Variants in GALNT17 observed in about 807,000 individuals in gnomAD.
The protein encoded by GALNT17 is UDP-GalNAc:polypeptide N-acetylgalactosaminyltransferase-like 3.
A neutral mutation model predicts 63.7 loss-of-function variants in GALNT17; 29 were observed. That is an observed-to-expected ratio of 0.46 (90% confidence interval 0.34 to 0.62). The LOEUF is 0.62. Ranked by LOEUF, GALNT17 falls within the 20% of genes least tolerant of loss-of-function variation. The pLI is 0.01. For synonymous variants in GALNT17, 305 were observed against 318.3 expected (o/e 0.96, Z 0.45); for missense variants, 603 against 799.6 (o/e 0.75, Z 2.97).
intron 1 of GALNT17, among the ~76,000 whole-genome samples, chr7:71,327,936 T>C (rs763626208): frequency 1.3e-5 from 2 of 152,176 alleles, no homozygotes; most frequent in African/African-American, 2.4e-5. Flanking sequence ...TCTCTCTCTT[T>C]CCATCCATCT....
chr7:71,655,628 G>A (rs186523252), intron 6 of GALNT17, among the ~76,000 whole-genome samples: 18 of 152,302 alleles, frequency 1.2e-4, no homozygotes, highest in African/African-American at 4.3e-4. Context: ...GCATGTGCCT[G>A]ACTTCTGGGA....
chr7:71,345,931 C>A (rs149955166), intron 2 of GALNT17, among the ~76,000 whole-genome samples: 2,159 of 151,404 alleles, frequency 0.014, 26 homozygotes, highest in Middle Eastern at 0.027. Context: ...GCCTGTAATC[C>A]CAACACTTTG....
intron 2 of GALNT17, among the ~76,000 whole-genome samples, chr7:71,346,593 G>A (rs144373793): frequency 6.6e-6 from 1 of 152,214 alleles, no homozygotes; most frequent in East Asian, 1.9e-4. Context: ...AGCTCTGTGT[G>A]TATCTTCAAG....
intron 6 of GALNT17, among the ~76,000 whole-genome samples, chr7:71,601,741 C>T (rs1245353915): frequency 6.6e-6 from 1 of 152,078 alleles, no homozygotes; most frequent in Non-Finnish European, 1.5e-5. Context: ...GCTAAGATCA[C>T]ACCACTGCAC....
At chr7:71,245,950 A>G (rs932989873) in intron 1 of GALNT17, among the ~76,000 whole-genome samples, 1 of 150,288 alleles carries the variant, frequency 6.7e-6, no homozygotes, top group East Asian at 2.0e-4. Context: ...TCAGAATCAC[A>G]CCTTTGGAAA....
intron 1 of GALNT17, among the ~76,000 whole-genome samples, chr7:71,331,376 C>A (rs1464765475): frequency 1.3e-5 from 2 of 152,074 alleles, no homozygotes; most frequent in Non-Finnish European, 1.5e-5. Flanking sequence ...CAGAGCCCGG[C>A]CTTTATCCTC....
rs556953928 is a variant in GALNT17, at chr7:71,570,607, C to T, written c.963-678C>T. Among the ~76,000 whole-genome samples the T allele has an allele frequency of 1.8e-4, 28 of 152,210 alleles. 1 individual carries two copies. The South Asian group carries it at 5.2e-3, about 28-fold the overall frequency. On this transcript the variant is annotated intron_variant, in intron 5 of 10. Coordinates refer to ENST00000333538, the MANE Select transcript of GALNT17 (RefSeq NM_022479.3). Reference sequence around the variant, plus strand: ...AGGGACCGCTTCCTATGTGTGCAGACGCCATGGGATACGGGAGACCAGCCC... The same window carrying T: ...AGGGACCGCTTCCTATGTGTGCAGATGCCATGGGATACGGGAGACCAGCCC...
At chr7:71,583,852 C>G (rs752597577) in intron 6 of GALNT17, among the ~76,000 whole-genome samples, 1 of 151,838 alleles carries the variant, frequency 6.6e-6, no homozygotes. Flanking sequence ...TGGCTGGGCG[C>G]GGTGGCTCAC....
chr7:71,242,992 T>G (rs568627853), intron 1 of GALNT17, among the ~76,000 whole-genome samples: 5 of 152,230 alleles, frequency 3.3e-5, no homozygotes, highest in Admixed American at 6.5e-5. Context: ...TCCACTGATA[T>G]GATTTGGCTC....
chr7:71,349,423 A>G (rs997833948), intron 2 of GALNT17, among the ~76,000 whole-genome samples: 1 of 152,192 alleles, frequency 6.6e-6, no homozygotes. Context: ...ATCACCCAAC[A>G]GAACTCTGAG....
In GALNT17 at chr7:71,144,961, T is replaced by C. The variant is rs112912898; in HGVS notation, c.238+11921T>C. On this transcript the variant is annotated intron_variant, in intron 1 of 10. Transcript: ENST00000333538. ...GCCAGGATGGTCTTGATCTCCTGAC[T>C]TCGTGATTTGCCCACCTTGGCCTCC... Among the ~76,000 whole-genome samples the C allele has an allele frequency of 8.6e-4, 131 of 152,208 alleles. 1 individual carries two copies. The highest frequency in any genetic ancestry group is 3.4e-3 in the Middle Eastern group (1 of 294).
intron 5 of GALNT17, among the ~76,000 whole-genome samples, chr7:71,426,459 A>G (rs1317137409): frequency 6.6e-6 from 1 of 152,158 alleles, no homozygotes; most frequent in Non-Finnish European, 1.5e-5. Context: ...CGGTTCTTGA[A>G]TTGCTACAAA....
intron 1 of GALNT17, among the ~76,000 whole-genome samples, chr7:71,326,384 A>T (rs1791705179): frequency 6.6e-6 from 1 of 150,572 alleles, no homozygotes; most frequent in South Asian, 2.1e-4. Flanking sequence ...CCTCGAGCCC[A>T]GTAGCTCAAG....
intron 1 of GALNT17, among the ~76,000 whole-genome samples, chr7:71,222,417 C>T (rs1328772628): frequency 5.3e-5 from 8 of 151,532 alleles, no homozygotes; most frequent in African/African-American, 1.5e-4. Context: ...CTTGGCCTCC[C>T]GAGTAGCTGG....
chr7:71,301,611 A>G (rs900409270), intron 1 of GALNT17, among the ~76,000 whole-genome samples: 3 of 151,954 alleles, frequency 2.0e-5, no homozygotes, highest in African/African-American at 7.3e-5. Flanking sequence ...TAGTTACCCA[A>G]TATGCAGCAT....
chr7:71,357,200 T>A (rs1792302756), intron 2 of GALNT17, among the ~76,000 whole-genome samples: 1 of 152,170 alleles, frequency 6.6e-6, no homozygotes, highest in Non-Finnish European at 1.5e-5. Context: ...GGTACGAGTT[T>A]GTGGCCTGTT....
chr7:71,385,349 C>T (rs1234374493), intron 2 of GALNT17, among the ~76,000 whole-genome samples: 1 of 152,222 alleles, frequency 6.6e-6, no homozygotes, highest in Non-Finnish European at 1.5e-5. Flanking sequence ...GTGCAGCTTC[C>T]ATATCCAGCC....
At chr7:71,620,001 G>A (rs187414373) in intron 6 of GALNT17, among the ~76,000 whole-genome samples, 92 of 152,284 alleles carry the variant, frequency 6.0e-4, no homozygotes, top group African/African-American at 2.1e-3. Flanking sequence ...ATCATGAAGG[G>A]ATGTTGGATT....
At chr7:71,336,032 C>CTTTTTTTTTTTTTTTTT (rs1167623885) in intron 2 of GALNT17, among the ~76,000 whole-genome samples, 1 of 21,290 alleles carries the variant, frequency 4.7e-5, no homozygotes, top group Non-Finnish European at 8.6e-5. Context: ...TTCTTTCTTC[C>CTTTTTTTTTTTTTTTTT]TTTTTTTTTT....
Sources: allele counts gnomAD v4.1 joint callset (sites outside exome capture counted in the v4.1 genomes callset), GRCh38; gene constraint gnomAD v4.1.1; transcripts MANE v1.5; gene names NCBI Gene and HGNC (gene_info 2026-07-23, HGNC 2026-07-21).